The following GCNT2 variants were observed in gnomAD, a reference collection of about 807,000 sequenced individuals.
The protein encoded by GCNT2 is N-acetyllactosaminide beta-1,6-N-acetylglucosaminyl-transferase.
A neutral mutation model predicts 34.2 loss-of-function variants in GCNT2; 34 were observed. The ratio of observed to expected loss-of-function variants is 1.00; its 90% CI spans 0.76 to 1.32. The LOEUF is 1.32. Among genes scored for constraint, GCNT2 ranks in the 40% most tolerant of loss-of-function variants. The probability of loss-of-function intolerance (pLI) is 0.00; values close to 1 mark genes in which losing one functional copy is unlikely to be tolerated. For synonymous variants in GCNT2, 212 were observed against 188.0 expected (o/e 1.13, Z -1.04); for missense variants, 584 against 489.4 (o/e 1.19, Z -1.82).
At chr6:10,596,930 C>G (rs995492166) in intron 3 of GCNT2, among the ~76,000 whole-genome samples, 2 of 152,036 alleles carry the variant, frequency 1.3e-5, no homozygotes, top group East Asian at 1.9e-4. Context: ...GTTATTAAGC[C>G]TCGTTACTTT....
chr6:10,579,269 T>G (rs188036758), intron 3 of GCNT2, among the ~76,000 whole-genome samples: 8 of 152,322 alleles, frequency 5.3e-5, no homozygotes, highest in Admixed American at 6.5e-5. Context: ...TCTGTGCTAT[T>G]AAAAACAATG....
intron 3 of GCNT2, among the ~76,000 whole-genome samples, chr6:10,563,031 T>C (rs1189701674): frequency 6.6e-6 from 1 of 152,126 alleles, no homozygotes; most frequent in Non-Finnish European, 1.5e-5. Context: ...GGTGCACGCC[T>C]GTAATCCCAG....
intron 3 of GCNT2, among the ~76,000 whole-genome samples, chr6:10,537,557 C>T (rs184968777): frequency 4.4e-4 from 67 of 151,762 alleles, no homozygotes; most frequent in Non-Finnish European, 7.1e-4. Flanking sequence ...AAAAATTAGC[C>T]GGGCGTGGTG....
At chr6:10,594,583 A>T (rs985619311) in intron 3 of GCNT2, among the ~76,000 whole-genome samples, 1 of 152,278 alleles carries the variant, frequency 6.6e-6, no homozygotes, top group East Asian at 1.9e-4. Context: ...CTGTTTTGAG[A>T]ATTAAATTTT....
chr6:10,556,064 A>G, intron 3 of GCNT2: 1 of 1,163,360 alleles, frequency 8.6e-7, no homozygotes, highest in Non-Finnish European at 1.1e-6. Context: ...TGGGAAATGA[A>G]AGAAAGAGAT....
chr6:10,628,553 G>A lies in GCNT2; in HGVS notation c.*1946G>A, dbSNP rs1766362819. ...CCAGTCCCACTAAGGTGACCAGAGT[G>A]GGCTCCAAGCACAAACTGCCATTGG... On this transcript the variant is annotated 3_prime_UTR_variant, in exon 5 of 5. Coordinates refer to ENST00000495262, the MANE Select transcript of GCNT2 (RefSeq NM_145649.5). 2.0e-5 allele frequency: 3 copies of A among 152,236 alleles called. No homozygotes were observed. Among genetic ancestry groups the A allele is most frequent in the Admixed American group, 6.5e-5 (1 of 15,276 alleles). The allele number at this position is 152,236 out of a possible 1,614,324, so 9.4% of individuals were successfully genotyped here. A position where few individuals can be genotyped will look rare whatever the true frequency, so the allele number is the denominator to read the frequency against.
In GCNT2 at chr6:10,588,925, GTGTT is replaced by G. The variant is rs199630245; in HGVS notation, c.926-32422_926-32419del. 1.0e-4 allele frequency among the ~76,000 whole-genome samples: 14 copies of G among 140,676 alleles called. No individual in the cohort carries two copies. In the East Asian group the frequency reaches 2.7e-3, roughly 27 times the overall value. 92.3% of individuals were successfully genotyped at this position (140,676 alleles called of 152,430 possible). A position where few individuals can be genotyped will look rare whatever the true frequency, so the allele number is the denominator to read the frequency against. The stretch of plus-strand genomic sequence containing the variant: ...GTGTGGTGTGTGTGTAGTGTGTGGT[GTGTT>G]TGTAGTGCGGTGTGTGTGTTTGTAG... On this transcript the variant is annotated intron_variant, in intron 3 of 4. Transcript: ENST00000495262.
At chr6:10,573,945 T>C (rs766301792) in intron 3 of GCNT2, among the ~76,000 whole-genome samples, 1 of 152,214 alleles carries the variant, frequency 6.6e-6, no homozygotes, top group African/African-American at 2.4e-5. Flanking sequence ...TCACTAAACC[T>C]ACCCTGTAAG....
intron 3 of GCNT2, among the ~76,000 whole-genome samples, chr6:10,617,301 C>T (rs943141119): frequency 6.6e-6 from 1 of 152,208 alleles, no homozygotes; most frequent in African/African-American, 2.4e-5. Flanking sequence ...GGCCGGCCGG[C>T]TTCTCCGAGT....
chr6:10,580,436 G>A (rs988741755), intron 3 of GCNT2, among the ~76,000 whole-genome samples: 2 of 152,138 alleles, frequency 1.3e-5, no homozygotes, highest in African/African-American at 2.4e-5. Context: ...GCCTGAATCC[G>A]TCCTACAATG....
intron 3 of GCNT2, among the ~76,000 whole-genome samples, chr6:10,565,096 G>A (rs986459252): frequency 5.9e-5 from 9 of 152,194 alleles, no homozygotes; most frequent in African/African-American, 2.2e-4. Flanking sequence ...CAGGCAGAGG[G>A]AATAGGGATC....
At chr6:10,612,221 A>G (rs1765589790) in intron 3 of GCNT2, among the ~76,000 whole-genome samples, 1 of 152,060 alleles carries the variant, frequency 6.6e-6, no homozygotes, top group Non-Finnish European at 1.5e-5. Context: ...TCCTGACCTC[A>G]GGTAATCCAC....
intron 3 of GCNT2, among the ~76,000 whole-genome samples, chr6:10,620,778 A>G (rs1440124609): frequency 1.3e-5 from 2 of 152,226 alleles, no homozygotes; most frequent in African/African-American, 4.8e-5. Flanking sequence ...AATTTATTTC[A>G]TAGACAGGGT....
intron 3 of GCNT2, among the ~76,000 whole-genome samples, chr6:10,617,747 C>CTTTTTTTTTTTT (rs1407402607): frequency 1.4e-4 from 16 of 114,270 alleles, no homozygotes; most frequent in African/African-American, 6.4e-4. Context: ...GTCTGCATTT[C>CTTTTTTTTTTTT]TTCTTTTTTT....
At chr6:10,605,524 A>T (rs909466199) in intron 3 of GCNT2, among the ~76,000 whole-genome samples, 21 of 151,934 alleles carry the variant, frequency 1.4e-4, no homozygotes, top group South Asian at 8.3e-4. Flanking sequence ...AGGATATTTT[A>T]AAAAAATACC....
At chr6:10,534,888 A>G (rs192978356) in intron 3 of GCNT2, among the ~76,000 whole-genome samples, 15 of 152,286 alleles carry the variant, frequency 9.8e-5, no homozygotes, top group African/African-American at 3.4e-4. Context: ...ATAAGCAAGC[A>G]AAACAAAACA....
chr6:10,545,899 G>C (rs1349904684), intron 3 of GCNT2, among the ~76,000 whole-genome samples: 1 of 152,194 alleles, frequency 6.6e-6, no homozygotes, highest in African/African-American at 2.4e-5. Context: ...GGTCACTGTT[G>C]ACAAGATGTG....
intron 3 of GCNT2, among the ~76,000 whole-genome samples, chr6:10,549,563 C>T (rs61494644): frequency 0.016 from 1,722 of 104,772 alleles, 69 homozygotes; most frequent in African/African-American, 0.03. Context: ...ATCTCTCTCT[C>T]TTTTTTTTTT....
At chr6:10,586,766 C>T (rs1252222404) in intron 3 of GCNT2, 1 of 1,614,024 alleles carries the variant, frequency 6.2e-7, no homozygotes, top group South Asian at 1.1e-5. Flanking sequence ...ATCAGCTGAC[C>T]ATCTACTTTG....
Sources: allele counts gnomAD v4.1 joint callset (sites outside exome capture counted in the v4.1 genomes callset), GRCh38; gene constraint gnomAD v4.1.1; transcripts MANE v1.5; gene names NCBI Gene and HGNC (gene_info 2026-07-23, HGNC 2026-07-21).